The following PLD5 variants were observed in gnomAD, a reference collection of about 807,000 sequenced individuals.
PLD5 encodes the protein inactive phospholipase D5.
In PLD5, 36 loss-of-function variants were observed where a neutral mutation model predicts 61.1. The ratio of observed to expected loss-of-function variants is 0.59; its 90% CI spans 0.45 to 0.78. The LOEUF is 0.78. Among genes scored for constraint, PLD5 ranks in the 30% least tolerant of loss-of-function variants. The pLI is 0.00. For synonymous variants in PLD5, 243 were observed against 242.8 expected (o/e 1.00, Z -0.01); for missense variants, 515 against 644.4 (o/e 0.80, Z 2.17).
chr1:242,488,987 A>T (rs1668053475), intron 1 of PLD5, among the ~76,000 whole-genome samples: 1 of 152,226 alleles, frequency 6.6e-6, no homozygotes, highest in Non-Finnish European at 1.5e-5. Flanking sequence ...AGAATGTGAA[A>T]TCAAGCAAAT....
At chr1:242,390,276 T>C (rs1662853381) in intron 1 of PLD5, among the ~76,000 whole-genome samples, 1 of 152,054 alleles carries the variant, frequency 6.6e-6, no homozygotes, top group African/African-American at 2.4e-5. Context: ...GCCAGGTTGG[T>C]CTCGAAGATA....
At chr1:242,163,290 C>T (rs1666019353) in intron 5 of PLD5, among the ~76,000 whole-genome samples, 1 of 151,870 alleles carries the variant, frequency 6.6e-6, no homozygotes, top group African/African-American at 2.4e-5. Context: ...ACTACAGGCG[C>T]CCGCCACCAC....
Position 242,124,487 on chromosome 1 carries a change from T to A in PLD5, c.914A>T (p.Lys305Ile), listed in dbSNP as rs367577812. 1.2e-6 allele frequency: 2 copies of A among 1,613,834 alleles called. No homozygotes were observed. The highest frequency in any genetic ancestry group is 2.2e-5 in the South Asian group (2 of 91,030). The change falls in exon 6 of 10, where the codon AAA (lysine) becomes ATA (isoleucine). Residue 305 changes from lysine (K) to isoleucine (I), a missense_variant. By Grantham distance (102) the Lys-to-Ile change is moderately radical. Coordinates refer to ENST00000536534, the MANE Select transcript of PLD5 (RefSeq NM_001372062.1). Reference sequence around the variant, plus strand: ...ACTCACCGATACAAATGCTTGAGATTTGGTTTCATTCAACTGAAGTTGCAA... The same window carrying A: ...ACTCACCGATACAAATGCTTGAGATATGGTTTCATTCAACTGAAGTTGCAA... ...KKLQLQLNET[K>I]SQAFVSNSPK...
chr1:242,326,472 G>C (rs974508113), intron 2 of PLD5, among the ~76,000 whole-genome samples: 10 of 151,948 alleles, frequency 6.6e-5, no homozygotes, highest in African/African-American at 2.2e-4. Flanking sequence ...GACTTCTTTA[G>C]TCTAATCAAA....
chr1:242,129,686 T>C (rs550677372), intron 5 of PLD5, among the ~76,000 whole-genome samples: 1 of 152,344 alleles, frequency 6.6e-6, no homozygotes, highest in Non-Finnish European at 1.5e-5. Context: ...GGCTGTTTTG[T>C]CACGTGGATA....
intron 3 of PLD5, among the ~76,000 whole-genome samples, chr1:242,274,487 G>T (rs1237918079): frequency 6.6e-6 from 1 of 152,202 alleles, no homozygotes; most frequent in East Asian, 1.9e-4. Context: ...AGGCGTGGTG[G>T]CTCACGCCTG....
chr1:242,154,827 C>G (rs1169161898), intron 5 of PLD5, among the ~76,000 whole-genome samples: 2 of 152,040 alleles, frequency 1.3e-5, no homozygotes, highest in African/African-American at 4.8e-5. Context: ...TTGTCTCTGT[C>G]AGGTTTTGGT....
intron 2 of PLD5, among the ~76,000 whole-genome samples, chr1:242,323,326 T>C (rs796273441): frequency 3.3e-5 from 5 of 152,266 alleles, no homozygotes; most frequent in African/African-American, 1.2e-4. Flanking sequence ...GTGATTTATA[T>C]CCTCAGTTAT....
At chr1:242,253,611 C>A (rs1444379200) in intron 4 of PLD5, among the ~76,000 whole-genome samples, 1 of 152,174 alleles carries the variant, frequency 6.6e-6, no homozygotes, top group South Asian at 2.1e-4. Flanking sequence ...CCGCGCCCGG[C>A]CGCTTCACCT....
chr1:242,130,983 G>A (rs1663189977), intron 5 of PLD5, among the ~76,000 whole-genome samples: 1 of 152,054 alleles, frequency 6.6e-6, no homozygotes. Flanking sequence ...CTGTCAAGAA[G>A]CTGTTATCAG....
At chr1:242,394,924 GT>G (rs1663385741) in intron 1 of PLD5, among the ~76,000 whole-genome samples, 1 of 54,786 alleles carries the variant, frequency 1.8e-5, no homozygotes, top group Non-Finnish European at 3.7e-5. Flanking sequence ...ATGTATATAT[GT>G]ATACATTATA....
At chr1:242,411,421 GAGGCGGGGTTTCACCGTGTTAGCC>G (rs1664550545) in intron 1 of PLD5, among the ~76,000 whole-genome samples, 1 of 152,078 alleles carries the variant, frequency 6.6e-6, no homozygotes, top group Non-Finnish European at 1.5e-5. Context: ...ATTTTTAGTA[GAGGCGGGGTTTCACCGTGTTAGCC>G]AGGGTGGTCT....
intron 5 of PLD5, among the ~76,000 whole-genome samples, chr1:242,199,955 T>C (rs749918844): frequency 3.3e-4 from 51 of 152,362 alleles, no homozygotes; most frequent in Admixed American, 6.5e-4. Context: ...ATATTCTGGC[T>C]ATTATGAATA....
chr1:242,202,282 G>A (rs1303626063), intron 5 of PLD5, among the ~76,000 whole-genome samples: 4 of 152,126 alleles, frequency 2.6e-5, no homozygotes, highest in Non-Finnish European at 4.4e-5. Flanking sequence ...GTCCTTGGGT[G>A]TGTGGTCCCT....
At chr1:242,151,064 T>C (rs1434152952) in intron 5 of PLD5, among the ~76,000 whole-genome samples, 1 of 151,876 alleles carries the variant, frequency 6.6e-6, no homozygotes, top group Non-Finnish European at 1.5e-5. Context: ...TTATATATAA[T>C]ATAAGGACCT....
chr1:242,491,687 A>G (rs541086702), intron 1 of PLD5, among the ~76,000 whole-genome samples: 37 of 152,248 alleles, frequency 2.4e-4, no homozygotes, highest in African/African-American at 8.7e-4. Flanking sequence ...ATGTTGCCTC[A>G]TTCTTTCTCC....
chr1:242,396,737 AT>A (rs2149273963), intron 1 of PLD5, among the ~76,000 whole-genome samples: 1 of 146,662 alleles, frequency 6.8e-6, no homozygotes, highest in African/African-American at 2.6e-5. Flanking sequence ...CAGTGGCGTA[AT>A]CTTGGCTCAC....
At chr1:242,273,567 C>A (rs1257567353) in intron 3 of PLD5, among the ~76,000 whole-genome samples, 2 of 152,134 alleles carry the variant, frequency 1.3e-5, no homozygotes, top group Non-Finnish European at 2.9e-5. Flanking sequence ...AATGGGGGAA[C>A]CTTAATCAGG....
chr1:242,256,382 G>A lies in PLD5; in HGVS notation c.607+8955C>T, dbSNP rs1673016298. Among the ~76,000 whole-genome samples, 1 of 152,350 alleles carries A rather than the reference G, an allele frequency of 6.6e-6. No individual in the cohort carries two copies. Among genetic ancestry groups the A allele is most frequent in the South Asian group, 2.1e-4 (1 of 4,822 alleles). ...ATCTATTTCTCTATCTGATTTGAAT[G>A]TCCCTCAAGAATCATTCGTTTAAAC... On this transcript the variant is annotated intron_variant, in intron 4 of 9. Transcript: ENST00000536534. The surrounding 1 kb of genome is among the most constrained non-coding windows in gnomAD (Gnocchi z 5.7).
Sources: allele counts gnomAD v4.1 joint callset (sites outside exome capture counted in the v4.1 genomes callset), GRCh38; gene constraint gnomAD v4.1.1; non-coding constraint Gnocchi (gnomAD v3.1); transcripts MANE v1.5; gene names NCBI Gene and HGNC (gene_info 2026-07-23, HGNC 2026-07-21).